Variants in CRACDL observed in about 807,000 individuals in gnomAD.
CRACDL encodes CRACD-like protein.
CRACDL carries 26 observed loss-of-function variants against 70.6 expected under a neutral mutation model. The observed-to-expected ratio is 0.37, with a 90% confidence interval of 0.27 to 0.51. The LOEUF is 0.51. Ranked by LOEUF, CRACDL falls within the 20% of genes least tolerant of loss-of-function variation. The pLI, the probability that CRACDL is intolerant of heterozygous loss-of-function variation, is 0.94. For synonymous variants in CRACDL, 618 were observed against 615.2 expected (o/e 1.00, Z -0.07); for missense variants, 1,283 against 1,376.9 (o/e 0.93, Z 1.08).
intron 1 of CRACDL, among the ~76,000 whole-genome samples, chr2:98,874,681 T>C (rs1707435907): frequency 6.6e-6 from 1 of 152,196 alleles, no homozygotes; most frequent in South Asian, 2.1e-4. Context: ...CAAGGAATGG[T>C]GACAGAACCA....
intron 1 of CRACDL, among the ~76,000 whole-genome samples, chr2:98,881,077 C>T (rs566678651): frequency 5.9e-5 from 9 of 152,180 alleles, no homozygotes; most frequent in Admixed American, 6.5e-5. Flanking sequence ...GGGCCGCACT[C>T]GGCACCTGCT....
intron 1 of CRACDL, among the ~76,000 whole-genome samples, chr2:98,910,996 C>G (rs577492803): frequency 3.3e-5 from 5 of 152,186 alleles, no homozygotes; most frequent in Admixed American, 2.0e-4. Flanking sequence ...ATCTAAGACA[C>G]CTTTATTTTT....
rs144674155 is a variant in CRACDL, at chr2:98,935,041, G to A, written c.-11+897C>T. Among the ~76,000 whole-genome samples, 517 of 152,292 alleles carry A rather than the reference G, an allele frequency of 3.4e-3. 3 individuals are homozygous for A. The highest frequency in any genetic ancestry group is 0.012 in the African/African-American group (490 of 41,564). ...ACCACAGTGCTCCATCATTCCAGGT[G>A]TGCGCCCGTGGGACCGAGCTCCAGG... On this transcript the variant is annotated intron_variant, in intron 1 of 9. Transcript: ENST00000397899.
At chr2:98,843,510 G>A (rs1490679262) in intron 2 of CRACDL, among the ~76,000 whole-genome samples, 3 of 152,096 alleles carry the variant, frequency 2.0e-5, no homozygotes, top group Non-Finnish European at 4.4e-5. Flanking sequence ...TTTTAAAGGC[G>A]TTAGAGTTTT....
intron 7 of CRACDL, among the ~76,000 whole-genome samples, chr2:98,804,735 G>A (rs1192430791): frequency 3.9e-5 from 6 of 152,230 alleles, no homozygotes; most frequent in Admixed American, 3.9e-4. Flanking sequence ...GCCGTTGGCT[G>A]TGTGTTCGGT....
At chr2:98,849,596 G>T (rs1016513900) in intron 1 of CRACDL, among the ~76,000 whole-genome samples, 3 of 151,996 alleles carry the variant, frequency 2.0e-5, no homozygotes, top group Non-Finnish European at 4.4e-5. Context: ...CATGGGAGGG[G>T]ATGCAGACTC....
intron 7 of CRACDL, among the ~76,000 whole-genome samples, chr2:98,798,736 GGC>G (rs1703948634): frequency 6.6e-6 from 1 of 151,090 alleles, no homozygotes; most frequent in Non-Finnish European, 1.5e-5. Context: ...CTGACACCCA[GGC>G]TGAAGTACAG....
At chr2:98,821,751 C>T in intron 7 of CRACDL, 106 bp downstream of exon 7, 1 of 1,381,346 alleles carries the variant, frequency 7.2e-7, no homozygotes. Flanking sequence ...AATTCCCCTG[C>T]AACAAAGTTT....
At position 98,796,111 on chromosome 2, in the gene CRACDL, A is replaced by G. The variant is rs749538215; in HGVS notation, c.2749+9T>C. On this transcript the variant is annotated intron_variant, in intron 9 of 9. Transcript: ENST00000397899. ...TCAAAGTATGTGGTAATGTTTGCAG[A>G]TTTCATACCCAAGTTCTGATGGGAC... 1.3e-5 allele frequency: 21 copies of G among 1,611,536 alleles called. No homozygotes were observed. In the Admixed American group the frequency reaches 3.2e-4, roughly 24 times the overall value.
rs769119018 is a variant in CRACDL at position 98,822,634 on chromosome 2, C to CCTCGGCTCG, written c.1630_1638dup (p.Arg544_Glu546dup). On this transcript the variant is annotated inframe_insertion, in exon 7 of 10. Coordinates refer to ENST00000397899, the MANE Select transcript of CRACDL (RefSeq NM_207362.3). This position sits in a 1 kb window ranked among gnomAD's most constrained non-coding sequence, Gnocchi z 4.9. ...GCCCTCTCGGCGCCCGCCGGTGGCG[C>CCTCGGCTCG]CTCGGCTCGCTCGGCCTTGGGGCGC... 1,655 of 1,365,964 alleles carry CCTCGGCTCG rather than the reference C, an allele frequency of 1.2e-3. 19 individuals are homozygous for CCTCGGCTCG. The African/African-American group carries it at 0.023, about 19-fold the overall frequency. The allele number at this position is 1,365,964 out of a possible 1,614,324, so 84.6% of individuals were successfully genotyped here. A position where few individuals can be genotyped will look rare whatever the true frequency, so the allele number is the denominator to read the frequency against.
chr2:98,802,337 G>A lies in CRACDL; in HGVS notation c.2417-4800C>T, dbSNP rs1434756285. 3.3e-5 allele frequency among the ~76,000 whole-genome samples: 5 copies of A among 152,224 alleles called. No homozygotes were observed. In the South Asian group the frequency reaches 6.2e-4, roughly 19 times the overall value. On this transcript the variant is annotated intron_variant, in intron 7 of 9. Coordinates refer to ENST00000397899, the MANE Select transcript of CRACDL (RefSeq NM_207362.3). ...GTGTTACAGCGAGCCTGGCCATCCC[G>A]GATGCAGGACACACTGCCCGAGATG...
In CRACDL at chr2:98,832,911, A is replaced by G. The variant is rs1253517963; in HGVS notation, c.326T>C (p.Val109Ala). 1 of 1,614,216 alleles carries G rather than the reference A, an allele frequency of 6.2e-7. No homozygotes were observed. The highest frequency in any genetic ancestry group is 8.5e-7 in the Non-Finnish European group (1 of 1,180,014). The change falls in exon 4 of 10, where the codon GTG becomes GCG. Residue 109 changes from valine (V) to alanine (A), a missense_variant. This residue lies in a region of CRACDL where 362 missense variants were observed against 495.0 expected (regional missense o/e 0.73). Coordinates refer to ENST00000397899, the MANE Select transcript of CRACDL (RefSeq NM_207362.3). Reference protein sequence around the residue: ...PESGQDATRPVRVFSQENVCD... With the variant: ...PESGQDATRPARVFSQENVCD... ...CACATTTTCTTGGGAAAACACCCGC[A>G]CAGGCCGAGTAGCGTCCTGTCCGGA...
intron 1 of CRACDL, among the ~76,000 whole-genome samples, chr2:98,930,382 G>A (rs1198905785): frequency 1.1e-4 from 3 of 28,494 alleles, no homozygotes; most frequent in Non-Finnish European, 1.2e-4. Context: ...CCTCTGTACC[G>A]TGTCCCCTAC....
chr2:98,857,245 A>C (rs1394340822), intron 1 of CRACDL, among the ~76,000 whole-genome samples: 2 of 152,226 alleles, frequency 1.3e-5, no homozygotes. Flanking sequence ...CCACAGGAAA[A>C]AGAAAGAAAA....
At chr2:98,890,927 G>A (rs1000503165) in intron 1 of CRACDL, among the ~76,000 whole-genome samples, 3 of 151,938 alleles carry the variant, frequency 2.0e-5, no homozygotes, top group Non-Finnish European at 4.4e-5. Flanking sequence ...CATGGTGGTG[G>A]GCACCTGTAA....
intron 1 of CRACDL, among the ~76,000 whole-genome samples, chr2:98,853,015 G>GGGGAA (rs1358885372): frequency 1.6e-5 from 2 of 128,718 alleles, no homozygotes; most frequent in African/African-American, 5.9e-5. Context: ...GGGGAGGGGA[G>GGGGAA]GGGAAGGGAA....
intron 1 of CRACDL, among the ~76,000 whole-genome samples, chr2:98,886,938 A>C (rs921614053): frequency 2.0e-5 from 3 of 152,240 alleles, no homozygotes; most frequent in Admixed American, 2.0e-4. Context: ...AAATTCTTTT[A>C]AATATTTTCA....
intron 3 of CRACDL, 141 bp downstream of exon 3, chr2:98,837,978 A>G (rs1409438772): frequency 1.5e-6 from 1 of 657,642 alleles, no homozygotes; most frequent in Non-Finnish European, 2.4e-6. Flanking sequence ...GTTTGAAAAG[A>G]CAGAAAACAC....
At position 98,838,346 on chromosome 2, in the gene CRACDL, A is replaced by G. The variant is rs1705883823; in HGVS notation, c.71-59T>C. The G allele has an allele frequency of 5.3e-5, 51 of 964,690 alleles. No individual in the cohort carries two copies. In the South Asian group the frequency reaches 8.7e-4, roughly 16 times the overall value. 59.8% of individuals were successfully genotyped at this position (964,690 alleles called of 1,614,324 possible). A position where few individuals can be genotyped will look rare whatever the true frequency, so the allele number is the denominator to read the frequency against. On this transcript the variant is annotated intron_variant, in intron 2 of 9. Transcript: ENST00000397899. ...ACTGTTACAGTGTGTGTTTATGTGC[A>G]TGTATGCAACAGGCACGTAAAAGAG...
Sources: gnomAD v4.1 joint callset for allele counts (sites outside exome capture counted in the v4.1 genomes callset) on GRCh38, gnomAD v4.1.1 for gene constraint, gnomAD v4.1.1 regional missense constraint, Gnocchi (gnomAD v3.1) non-coding constraint, MANE v1.5 for transcripts, NCBI Gene and HGNC (gene_info 2026-07-23, HGNC 2026-07-21) for gene names.